Variants in ZNF438 observed in about 807,000 individuals in gnomAD.
ZNF438 encodes the protein zinc finger protein 438.
In ZNF438, 25 loss-of-function variants were observed where a neutral mutation model predicts 38.0. That is an observed-to-expected ratio of 0.66 (90% CI 0.48 to 0.92). The LOEUF is 0.92. Ranked by LOEUF, ZNF438 falls within the 40% of genes least tolerant of loss-of-function variation. ZNF438 has a pLI of 0.00. For synonymous variants in ZNF438, 372 were observed against 364.1 expected (o/e 1.02, Z -0.25); for missense variants, 1,007 against 999.6 (o/e 1.01, Z -0.10).
In ZNF438 at chr10:30,996,711, A is replaced by C. The variant is rs564914158; in HGVS notation, c.-192+35122T>G. 1.1e-4 allele frequency among the ~76,000 whole-genome samples: 16 copies of C among 152,244 alleles called. No individual in the cohort carries two copies. The South Asian group carries it at 3.3e-3, about 32-fold the overall frequency. The stretch of plus-strand genomic sequence containing the variant: ...AACACTGTAAGACAGCCAGACCTAC[A>C]GACAACTATATAACACTCCACTCAA... On this transcript the variant is annotated intron_variant, in intron 1 of 5. Coordinates refer to ENST00000413025, the Ensembl canonical transcript of ZNF438.
intron 4 of ZNF438, among the ~76,000 whole-genome samples, chr10:30,854,035 A>G (rs577122424): frequency 6.6e-6 from 1 of 150,678 alleles, no homozygotes; most frequent in East Asian, 2.0e-4. Flanking sequence ...AGTATCACAT[A>G]TAGGCCGGGC....
chr10:30,990,763 A>AGG (rs2053400931), intron 1 of ZNF438, among the ~76,000 whole-genome samples: 1 of 152,340 alleles, frequency 6.6e-6, no homozygotes, highest in Non-Finnish European at 1.5e-5. Flanking sequence ...AGGTTCTTCA[A>AGG]CAGGTAAACT....
At chr10:30,970,331 G>A (rs1237752032) in intron 1 of ZNF438, among the ~76,000 whole-genome samples, 2 of 152,138 alleles carry the variant, frequency 1.3e-5, no homozygotes, top group Non-Finnish European at 1.5e-5. Context: ...TTTGACAACA[G>A]TTATGTTAAT....
At chr10:30,989,510 G>A (rs902840868) in intron 1 of ZNF438, among the ~76,000 whole-genome samples, 19 of 152,160 alleles carry the variant, frequency 1.2e-4, no homozygotes, top group African/African-American at 4.1e-4. Context: ...AGAGAACAGG[G>A]ACATATCTTA....
At chr10:31,010,673 G>A (rs2055586163) in intron 1 of ZNF438, among the ~76,000 whole-genome samples, 1 of 151,990 alleles carries the variant, frequency 6.6e-6, no homozygotes. Flanking sequence ...GACAGCTTGA[G>A]GCCAGGAGTT....
chr10:30,880,474 T>TGC, intron 3 of ZNF438, among the ~76,000 whole-genome samples: 1 of 132,000 alleles, frequency 7.6e-6, no homozygotes, highest in African/African-American at 2.8e-5. Context: ...AAAACAAAAA[T>TGC]AATGCAAGTC....
At chr10:30,921,601 A>G (rs1343343718) in intron 2 of ZNF438, among the ~76,000 whole-genome samples, 1 of 152,152 alleles carries the variant, frequency 6.6e-6, no homozygotes, top group Non-Finnish European at 1.5e-5. Context: ...TTTAGATTCA[A>G]GTTGTCACTT....
rs528571445 is a variant in ZNF438, at chr10:30,985,900, T to C, written c.-191-44249A>G. Among the ~76,000 whole-genome samples the C allele has an allele frequency of 1.1e-4, 17 of 152,326 alleles. No homozygotes were observed. In the South Asian group the frequency reaches 3.5e-3, roughly 32 times the overall value. Reference sequence around the variant, plus strand: ...TATTAATATATAGTCATCCACTGCATGATGTGTCAGTCAACAACAGACTGC... The same window carrying C: ...TATTAATATATAGTCATCCACTGCACGATGTGTCAGTCAACAACAGACTGC... On this transcript the variant is annotated intron_variant, in intron 1 of 5. Coordinates refer to ENST00000413025, the Ensembl canonical transcript of ZNF438.
intron 1 of ZNF438, among the ~76,000 whole-genome samples, chr10:30,969,284 C>T (rs1047236398): frequency 3.3e-5 from 5 of 152,182 alleles, no homozygotes; most frequent in African/African-American, 1.2e-4. Context: ...AAAGTGCCCC[C>T]TCCAAAGCAC....
chr10:30,963,345 T>C (rs535236070), intron 1 of ZNF438, among the ~76,000 whole-genome samples: 3 of 135,364 alleles, frequency 2.2e-5, no homozygotes, highest in Admixed American at 8.4e-5. Context: ...TGAGCCGAGA[T>C]CGTGATACTG....
In ZNF438 at chr10:31,009,654, A is replaced by G. The variant is rs1020730221; in HGVS notation, c.-192+22179T>C. 2.0e-5 allele frequency among the ~76,000 whole-genome samples: 3 copies of G among 152,174 alleles called. No homozygotes were observed. In the East Asian group the frequency reaches 5.8e-4, roughly 29 times the overall value. On this transcript the variant is annotated intron_variant, in intron 1 of 5. Transcript: ENST00000413025. ...CTCAACCTTAAATTCCTTAGTTGCA[A>G]ACAGTCCTGACAAAGAAATGTTTTA...
chr10:30,893,698 C>A (rs1303775140), intron 3 of ZNF438, among the ~76,000 whole-genome samples: 1 of 152,044 alleles, frequency 6.6e-6, no homozygotes, highest in African/African-American at 2.4e-5. Flanking sequence ...CCCAATTAAC[C>A]CAATTTTTAA....
At chr10:30,961,519 CATTTT>C (rs914213897) in intron 1 of ZNF438, among the ~76,000 whole-genome samples, 1 of 146,012 alleles carries the variant, frequency 6.8e-6, no homozygotes, top group African/African-American at 2.4e-5. Context: ...TGTATAATCG[CATTTT>C]ATTTTTTTTA....
At chr10:30,903,689 A>T (rs567577761) in intron 3 of ZNF438, among the ~76,000 whole-genome samples, 5 of 152,284 alleles carry the variant, frequency 3.3e-5, no homozygotes, top group African/African-American at 1.2e-4. Context: ...TTGAGTATTT[A>T]AAAAATATAT....
chr10:30,911,681 C>T (rs1412586366), intron 2 of ZNF438, among the ~76,000 whole-genome samples: 1 of 152,130 alleles, frequency 6.6e-6, no homozygotes, highest in Non-Finnish European at 1.5e-5. Context: ...AACACAAGAG[C>T]CAGCCTCTTT....
intron 4 of ZNF438, among the ~76,000 whole-genome samples, chr10:30,854,982 C>G (rs16931992): frequency 0.013 from 2,032 of 152,192 alleles, 32 homozygotes; most frequent in African/African-American, 0.047. Flanking sequence ...TTTTTATGAC[C>G]AAGTGTGAGA....
chr10:30,893,809 T>C (rs1042578876), intron 3 of ZNF438, among the ~76,000 whole-genome samples: 3 of 152,236 alleles, frequency 2.0e-5, no homozygotes, highest in African/African-American at 7.2e-5. Context: ...GGTCATGACA[T>C]TAATTTTGCT....
At chr10:30,885,914 G>C (rs2133901819) in intron 3 of ZNF438, among the ~76,000 whole-genome samples, 1 of 152,286 alleles carries the variant, frequency 6.6e-6, no homozygotes, top group East Asian at 1.9e-4. Flanking sequence ...AATATCTGAA[G>C]AACTGTTATT....
chr10:30,981,028 T>G (rs1346313216), intron 1 of ZNF438, among the ~76,000 whole-genome samples: 1 of 152,218 alleles, frequency 6.6e-6, no homozygotes, highest in African/African-American at 2.4e-5. Context: ...CTCTGGCATG[T>G]GTTGCAGTTT....
Sources: gnomAD v4.1 joint callset for allele counts (sites outside exome capture counted in the v4.1 genomes callset) on GRCh38, gnomAD v4.1.1 for gene constraint, MANE v1.5 for transcripts, NCBI Gene and HGNC (gene_info 2026-07-23, HGNC 2026-07-21) for gene names.